The following PIP5K1C variants were observed in gnomAD, a reference collection of about 807,000 sequenced individuals.
The protein encoded by PIP5K1C is phosphatidylinositol-4-phosphate 5-kinase type 1 gamma.
Under a neutral mutation model 80.1 loss-of-function variants are expected in PIP5K1C, and 45 were observed. The observed-to-expected ratio is 0.56, with a 90% CI of 0.44 to 0.72. The LOEUF is 0.72. PIP5K1C is among the 30% of genes least tolerant of loss of function. The pLI, the probability that PIP5K1C is intolerant of heterozygous loss-of-function variation, is 0.00. For synonymous variants in PIP5K1C, 498 were observed against 420.1 expected, an observed-to-expected ratio of 1.19 and a Z score of -2.27; for missense variants, 753 against 954.6, an observed-to-expected ratio of 0.79 and a Z score of 2.78.
rs1449395012 is a variant in PIP5K1C at position 3,637,650 on chromosome 19, G to A, written c.1920+1234C>T. Reference sequence around the variant, plus strand: ...GGGCCGGGTGGGCCGGAGGAGGAAGGAAAACAGAGGACAGCGGATGAGGCG... The same window carrying A: ...GGGCCGGGTGGGCCGGAGGAGGAAGAAAAACAGAGGACAGCGGATGAGGCG... On this transcript the variant is annotated intron_variant, in intron 16 of 17. Transcript: ENST00000335312. The surrounding 1 kb of genome is among the most constrained non-coding windows in gnomAD (Gnocchi z 7.0). The A allele has an allele frequency of 6.6e-7, 1 of 1,513,220 alleles. No homozygotes were observed. The highest frequency in any genetic ancestry group is 1.4e-5 in the African/African-American group (1 of 72,648). 93.7% of individuals were successfully genotyped at this position (1,513,220 alleles called of 1,614,324 possible).
intron 16 of PIP5K1C, chr19:3,636,758 G>A (rs1001041755): frequency 2.1e-5 from 21 of 986,540 alleles, no homozygotes; most frequent in Admixed American, 1.2e-4. Context: ...GGGGAGTCAC[G>A]GCGGCCTCGG....
intron 11 of PIP5K1C, 21 bp from the exon 12 acceptor site, chr19:3,644,272 T>C: frequency 6.2e-7 from 1 of 1,608,854 alleles, no homozygotes; most frequent in Non-Finnish European, 8.5e-7. Flanking sequence ...GGGTGGGGGT[T>C]GGTGCTTGGG....
At chr19:3,678,246 G>T (rs1173814686) in intron 1 of PIP5K1C, among the ~76,000 whole-genome samples, 2 of 131,988 alleles carry the variant, frequency 1.5e-5, no homozygotes, top group African/African-American at 5.8e-5. Flanking sequence ...ATGGAGGAAT[G>T]GAGAATGGAG....
chr19:3,655,929 G>T (rs2034610467), intron 6 of PIP5K1C, among the ~76,000 whole-genome samples: 1 of 152,224 alleles, frequency 6.6e-6, no homozygotes, highest in African/African-American at 2.4e-5. Flanking sequence ...GCGGGATGAG[G>T]GGTGGGCCGG....
Position 3,688,966 on chromosome 19 carries a change from G to T in PIP5K1C, c.94+11331C>A, listed in dbSNP as rs1411237930. On this transcript the variant is annotated intron_variant, in intron 1 of 17. Coordinates refer to ENST00000335312, the MANE Select transcript of PIP5K1C (RefSeq NM_012398.3). The surrounding 1 kb of genome is among the most constrained non-coding windows in gnomAD (Gnocchi z 5.3). ...GGGATGGGGCTGGGGGGTGGGGGGG[G>T]CTTGGCGCACGCGGCCTATGGTCTG... is the stretch of plus-strand genomic sequence containing the variant. Among the ~76,000 whole-genome samples the T allele has an allele frequency of 1.3e-5, 2 of 152,104 alleles. No individual in the cohort carries two copies. Among genetic ancestry groups the T allele is most frequent in the Admixed American group, 6.6e-5 (1 of 15,258 alleles).
chr19:3,686,061 G>A (rs886987083), intron 1 of PIP5K1C, among the ~76,000 whole-genome samples: 5 of 151,842 alleles, frequency 3.3e-5, no homozygotes, highest in Admixed American at 1.3e-4. Context: ...CGTTGTTGCC[G>A]AGGCTGGTCT....
intron 1 of PIP5K1C, among the ~76,000 whole-genome samples, chr19:3,671,188 C>T (rs992946990): frequency 2.0e-5 from 3 of 152,216 alleles, no homozygotes; most frequent in Admixed American, 6.5e-5. Flanking sequence ...ACTCTACTCG[C>T]GAAACCACCC....
chr19:3,650,001 C>A (rs2034374707), intron 8 of PIP5K1C: 1 of 182,314 alleles, frequency 5.5e-6, no homozygotes, highest in East Asian at 1.9e-4. Context: ...CTCACCTGCT[C>A]CCCCGCCAGG....
chr19:3,659,219 T>C (rs1391605479), intron 5 of PIP5K1C, among the ~76,000 whole-genome samples: 3 of 152,324 alleles, frequency 2.0e-5, no homozygotes, highest in Non-Finnish European at 4.4e-5. Context: ...CCTCCCGCTG[T>C]GGCACACGGC....
chr19:3,688,160 G>A lies in PIP5K1C; in HGVS notation c.94+12137C>T, dbSNP rs10414558. On this transcript the variant is annotated intron_variant, in intron 1 of 17. Coordinates refer to ENST00000335312, the MANE Select transcript of PIP5K1C (RefSeq NM_012398.3). The surrounding 1 kb of genome is among the most constrained non-coding windows in gnomAD (Gnocchi z 5.3). The stretch of plus-strand genomic sequence containing the variant: ...GCTCCCGCAGCCAGGGTCTGCGCGT[G>A]GTCCCCACCTCCTTGCGCGCTCCGT... Among the ~76,000 whole-genome samples the A allele has an allele frequency of 0.013, 1,974 of 152,316 alleles. 57 individuals carry two copies. Among genetic ancestry groups the A allele is most frequent in the African/African-American group, 0.045 (1,866 of 41,558 alleles).
intron 2 of PIP5K1C, among the ~76,000 whole-genome samples, chr19:3,666,560 AAC>A (rs1389470704): frequency 2.0e-5 from 3 of 151,696 alleles, no homozygotes; most frequent in Non-Finnish European, 2.9e-5. Flanking sequence ...CACACAGGCA[AAC>A]ACACATGCAC....
intron 1 of PIP5K1C, among the ~76,000 whole-genome samples, chr19:3,677,433 A>G (rs561396374): frequency 3.3e-5 from 5 of 151,986 alleles, no homozygotes; most frequent in Admixed American, 6.5e-5. Flanking sequence ...AAATACAAAA[A>G]TTAGGCGGGT....
rs542402181 is a variant in PIP5K1C at position 3,641,985 on chromosome 19, G to T, written c.1683-176C>A. The stretch of plus-strand genomic sequence containing the variant: ...GGGGACTGTCCACCTGGGTCCCTTG[G>T]TGACTGTGGTGCCAGCAGGGCCTGG... On this transcript the variant is annotated intron_variant, in intron 14 of 17. Transcript: ENST00000335312. Among the ~76,000 whole-genome samples the T allele has an allele frequency of 2.0e-5, 3 of 152,320 alleles. No individual in the cohort carries two copies. The East Asian group carries it at 5.8e-4, about 29-fold the overall frequency.
At position 3,653,476 on chromosome 19, in the gene PIP5K1C, C is replaced by T; in HGVS notation, c.735G>A (p.Val245=). 6 of 1,613,868 alleles carry T rather than the reference C, an allele frequency of 3.7e-6. No individual in the cohort carries two copies. The highest frequency in any genetic ancestry group is 5.1e-6 in the Non-Finnish European group (6 of 1,180,034). The change falls in exon 7 of 18, where the codon GTG becomes GTA. Residue 245 remains valine, a synonymous_variant. Coordinates refer to ENST00000335312, the MANE Select transcript of PIP5K1C (RefSeq NM_012398.3). ...GGTCGAACTTGAGGTGCATCTTGAC[C>T]ACGCGGGGCAGGATGTTGTTCATGA... ...VVVMNNILPR[V]VKMHLKFDLK...
chr19:3,663,973 G>A (rs1051328824), intron 3 of PIP5K1C, among the ~76,000 whole-genome samples: 2 of 152,192 alleles, frequency 1.3e-5, no homozygotes, highest in South Asian at 2.1e-4. Context: ...GCACCCGAGC[G>A]TCCATGACGC....
chr19:3,693,334 C>T (rs955474283), intron 1 of PIP5K1C, among the ~76,000 whole-genome samples: 1 of 152,182 alleles, frequency 6.6e-6, no homozygotes, highest in Non-Finnish European at 1.5e-5. Flanking sequence ...TCCCCTCGCA[C>T]CCCCATGCCA....
chr19:3,679,282 C>G (rs2035514087), intron 1 of PIP5K1C, among the ~76,000 whole-genome samples: 1 of 152,030 alleles, frequency 6.6e-6, no homozygotes, highest in Non-Finnish European at 1.5e-5. Context: ...GGCCCTGTGC[C>G]CAGGCTCCCC....
intron 15 of PIP5K1C, among the ~76,000 whole-genome samples, chr19:3,641,284 AATTAG>A (rs2033951188): frequency 6.6e-6 from 1 of 152,216 alleles, no homozygotes; most frequent in Admixed American, 6.5e-5. Context: ...GTTAAAAAAA[AATTAG>A]TTAAATACTT....
chr19:3,664,973 C>T, intron 2 of PIP5K1C, 59 bp from the exon 3 acceptor site: 2 of 1,352,688 alleles, frequency 1.5e-6, no homozygotes, highest in Non-Finnish European at 1.1e-6. Flanking sequence ...CGGGACAGGG[C>T]ACGCTCTGAA....
Sources: allele counts gnomAD v4.1 joint callset (sites outside exome capture counted in the v4.1 genomes callset), GRCh38; gene constraint gnomAD v4.1.1; non-coding constraint Gnocchi (gnomAD v3.1); transcripts MANE v1.5; gene names NCBI Gene and HGNC (gene_info 2026-07-23, HGNC 2026-07-21).